The following SLC26A1 variants were observed in gnomAD, a reference collection of about 807,000 sequenced individuals.
The protein encoded by SLC26A1 is solute carrier family 26 member 1.
A neutral mutation model predicts 14.5 loss-of-function variants in SLC26A1; 18 were observed. The observed-to-expected ratio is 1.24, with a 90% CI of 0.86 to 1.84. SLC26A1 has a LOEUF of 1.84. Among genes scored for constraint, SLC26A1 ranks in the 40% most tolerant of loss-of-function variants. The pLI is 0.00. For synonymous variants in SLC26A1, 505 were observed against 492.0 expected (o/e 1.03, Z -0.35); for missense variants, 1,049 against 1,020.0 (o/e 1.03, Z -0.39).
In SLC26A1 at chr4:987,977, C is replaced by T. The variant is rs1713877761; in HGVS notation, c.*856G>A. ...GGGCGGCGGGCAGGGTCTGGGCGTC[C>T]CAGAGCCCCTTACAGAGGCACAGAT... On this transcript the variant is annotated 3_prime_UTR_variant, in exon 3 of 3. Coordinates refer to ENST00000398516, the MANE Select transcript of SLC26A1 (RefSeq NM_022042.4). 6.5e-7 allele frequency: 1 copy of T among 1,548,732 alleles called. No individual in the cohort carries two copies.
chr4:989,214 C>T lies in SLC26A1; in HGVS notation c.1725G>A (p.Glu575=). The T allele has an allele frequency of 6.2e-7, 1 of 1,610,126 alleles. No homozygotes were observed. The highest frequency in any genetic ancestry group is 2.2e-5 in the East Asian group (1 of 44,790). ...DAGCMAARRK[E]GGSETGVGEG... Reference sequence around the variant, plus strand: ...CACCGACCCCCGTCTCTGAGCCCCCCTCCTTCCTCCTGGCAGCCATGCACC... The same window carrying T: ...CACCGACCCCCGTCTCTGAGCCCCCTTCCTTCCTCCTGGCAGCCATGCACC... Residue 575 remains glutamate, a synonymous_variant, in exon 3 of 3, where the codon GAG becomes GAA. Coordinates refer to ENST00000398516, the MANE Select transcript of SLC26A1 (RefSeq NM_022042.4).
In SLC26A1 at chr4:990,196, G is replaced by T. The variant is rs752458996; in HGVS notation, c.743C>A (p.Thr248Lys). 6.4e-7 allele frequency: 1 copy of T among 1,561,908 alleles called. No homozygotes were observed. The highest frequency in any genetic ancestry group is 8.7e-7 in the Non-Finnish European group (1 of 1,153,734). ...GGCGCCGCGCAGCAGGCTCAGCCAT[G>T]TGAGGACCACCATGCCGGGCCCCTG... ...RHQGPGMVVL[T>K]WLSLLRGAGQ... The change falls in exon 3 of 3, where the codon ACA becomes AAA. Residue 248 changes from threonine (T) to lysine (K), a missense_variant. Thr to Lys is a moderately conservative substitution (Grantham distance 78). Coordinates refer to ENST00000398516, the MANE Select transcript of SLC26A1 (RefSeq NM_022042.4).
chr4:990,501 C>T, intron 2 of SLC26A1, 139 bp from the exon 3 acceptor site: 1 of 816,324 alleles, frequency 1.2e-6, no homozygotes, highest in Non-Finnish European at 1.9e-6. Flanking sequence ...GTGTTCCAAA[C>T]CAGACTCCTC....
At chr4:985,665 T>G (rs931029673), downstream of SLC26A1, among the ~76,000 whole-genome samples, 3 of 152,230 alleles carry the variant, frequency 2.0e-5, no homozygotes, top group African/African-American at 7.2e-5. Context: ...CTTTCTTACT[T>G]TTTAGTTTCT....
chr4:984,401 T>C (rs975796101), downstream of SLC26A1, among the ~76,000 whole-genome samples: 6 of 152,384 alleles, frequency 3.9e-5, no homozygotes, highest in Non-Finnish European at 5.9e-5. Context: ...TCTAAATTTA[T>C]TGTTTTGCTT....
intron 2 of SLC26A1, chr4:990,668 A>G: frequency 2.2e-6 from 1 of 459,858 alleles, no homozygotes; most frequent in Non-Finnish European, 3.9e-6. Flanking sequence ...CTCTGGTATC[A>G]GAAGGCAACC....
chr4:987,591 AGGGCTG>A, downstream of SLC26A1: 1 of 1,408,874 alleles, frequency 7.1e-7, no homozygotes, highest in Non-Finnish European at 9.3e-7. Context: ...GGCCAGGGCC[AGGGCTG>A]GCGTTGGCCC....
At position 987,858 on chromosome 4, in the gene SLC26A1, C is replaced by T. The variant is rs121965020; in HGVS notation, c.*975G>A. ...TGACCAGTACGTCCTCAGCTGGGAC[C>T]AGCAGCTCAACCTCGCCTATGTGGG... On this transcript the variant is annotated 3_prime_UTR_variant, in exon 3 of 3. Coordinates refer to ENST00000398516, the MANE Select transcript of SLC26A1 (RefSeq NM_022042.4). 791 of 1,612,356 alleles carry T rather than the reference C, an allele frequency of 4.9e-4. No individual in the cohort carries two copies. The highest frequency in any genetic ancestry group is 5.3e-4 in the Non-Finnish European group (631 of 1,179,864).
chr4:982,055 A>G (rs906002651), intron 2 of SLC26A1, among the ~76,000 whole-genome samples: 2 of 151,754 alleles, frequency 1.3e-5, no homozygotes, highest in Non-Finnish European at 2.9e-5. Context: ...TCCTGACCTC[A>G]TGATCCGCCC....
chr4:992,382 G>T (rs548776660), intron 1 of SLC26A1, among the ~76,000 whole-genome samples: 1 of 152,336 alleles, frequency 6.6e-6, no homozygotes, highest in East Asian at 1.9e-4. Context: ...TCAGGAAGAG[G>T]CCTCCTATGT....
At chr4:985,979 G>C (rs1329545977), downstream of SLC26A1, among the ~76,000 whole-genome samples, 1 of 152,004 alleles carries the variant, frequency 6.6e-6, no homozygotes, top group Admixed American at 6.6e-5. Flanking sequence ...GAATGTAGTG[G>C]TGTGATCATG....
intron 2 of SLC26A1, chr4:979,586 C>T (rs1049639655): frequency 6.4e-7 from 1 of 1,558,816 alleles, no homozygotes; most frequent in Non-Finnish European, 8.8e-7. Flanking sequence ...CCCTGCCGGG[C>T]CCCAAAGTGC....
chr4:992,069 A>C, intron 1 of SLC26A1: 1 of 537,840 alleles, frequency 1.9e-6, no homozygotes, highest in Non-Finnish European at 3.6e-6. Flanking sequence ...CCTGGCTGAA[A>C]ACCACCCTGT....
Position 991,249 on chromosome 4 carries a change from C to T in SLC26A1, c.455G>A (p.Gly152Asp), listed in dbSNP as rs1410047843. Residue 152 changes from glycine to aspartate, a missense_variant, in exon 2 of 3, where the codon GGC becomes GAC. Coordinates refer to ENST00000398516, the MANE Select transcript of SLC26A1 (RefSeq NM_022042.4). ...QLAGFDPSQDGLQPGANSSTL... is the reference protein window; with the variant it reads ...QLAGFDPSQDDLQPGANSSTL... ...GCTGCTGTTGGCTCCGGGCTGCAGG[C>T]CGTCCTGGGAGGGGTCAAAGCCGGC... 6.2e-7 allele frequency: 1 copy of T among 1,611,950 alleles called. No homozygotes were observed. The highest frequency in any genetic ancestry group is 2.2e-5 in the East Asian group (1 of 44,848).
chr4:990,794 C>A (rs1262711536), intron 2 of SLC26A1: 2 of 398,566 alleles, frequency 5.0e-6, no homozygotes, highest in African/African-American at 4.1e-5. Flanking sequence ...GAGGCCATCC[C>A]CCACTCCACC....
chr4:983,266 T>C (rs1428953835), downstream of SLC26A1, among the ~76,000 whole-genome samples: 1 of 152,258 alleles, frequency 6.6e-6, no homozygotes, highest in East Asian at 1.9e-4. Flanking sequence ...GGCCTTCTCC[T>C]GCCTCCTGTC....
downstream of SLC26A1, among the ~76,000 whole-genome samples, chr4:987,475 G>C (rs1025110591): frequency 2.0e-5 from 3 of 152,192 alleles, no homozygotes; most frequent in Non-Finnish European, 4.4e-5. Context: ...CCTGCTCTTT[G>C]AGGTAAACCA....
At chr4:984,949 C>T (rs1461042116), downstream of SLC26A1, among the ~76,000 whole-genome samples, 1 of 152,234 alleles carries the variant, frequency 6.6e-6, no homozygotes, top group Non-Finnish European at 1.5e-5. Flanking sequence ...TCCATTCCAG[C>T]ACCGTGCAGT....
rs918391345 is a variant in SLC26A1 at position 987,788 on chromosome 4, C to T, written c.*1045G>A. 1 of 1,611,568 alleles carries T rather than the reference C, an allele frequency of 6.2e-7. No individual in the cohort carries two copies. Among genetic ancestry groups the T allele is most frequent in the Admixed American group, 1.7e-5 (1 of 59,966 alleles). ...AGCCATGCTGAGGCTCGGGACTGAG[C>T]CGCCCCTTTGTTGTCCCCAGCCCCC... On this transcript the variant is annotated 3_prime_UTR_variant, in exon 3 of 3. Coordinates refer to ENST00000398516, the MANE Select transcript of SLC26A1 (RefSeq NM_022042.4).
Sources: allele counts gnomAD v4.1 joint callset (sites outside exome capture counted in the v4.1 genomes callset), GRCh38; gene constraint gnomAD v4.1.1; transcripts MANE v1.5; gene names NCBI Gene and HGNC (gene_info 2026-07-23, HGNC 2026-07-21).